PRICKLE1: variants seen among roughly 807,000 people sequenced by gnomAD.
PRICKLE1 encodes prickle-like protein 1.
Under a neutral mutation model 70.2 loss-of-function variants are expected in PRICKLE1, and 14 were observed. That is an observed-to-expected ratio of 0.20 (90% CI 0.13 to 0.31). The LOEUF (loss-of-function observed/expected upper bound fraction) is 0.31. PRICKLE1 is among the 10% of genes least tolerant of loss of function. PRICKLE1 has a pLI of 1.00. For synonymous variants in PRICKLE1, 357 were observed against 379.9 expected (o/e 0.94, Z 0.70); for missense variants, 821 against 1,026.2 (o/e 0.80, Z 2.73).
At chr12:42,524,570 C>T (rs554554040) in intron 1 of PRICKLE1, among the ~76,000 whole-genome samples, 2 of 152,208 alleles carry the variant, frequency 1.3e-5, no homozygotes, top group Non-Finnish European at 2.9e-5. Context: ...TGCCACCGCA[C>T]CCGGCTAATT....
Position 42,459,634 on chromosome 12 carries a change from G to C in PRICKLE1, c.*175C>G, listed in dbSNP as rs1246624194. On this transcript the variant is annotated 3_prime_UTR_variant, in exon 8 of 8. Coordinates refer to ENST00000345127, the MANE Select transcript of PRICKLE1 (RefSeq NM_153026.3). ...GGCACCATCCAAAGAGGGTAAATTG[G>C]AGAAATCACACCTTTCAAATGTTAA... The C allele has an allele frequency of 6.2e-6, 5 of 806,646 alleles. No homozygotes were observed. Among genetic ancestry groups the C allele is most frequent in the Non-Finnish European group, 1.0e-5 (5 of 494,640 alleles). 50.0% of individuals were successfully genotyped at this position (806,646 alleles called of 1,614,324 possible).
intron 1 of PRICKLE1, among the ~76,000 whole-genome samples, chr12:42,544,127 T>G (rs1260793235): frequency 6.6e-6 from 1 of 152,166 alleles, no homozygotes; most frequent in East Asian, 1.9e-4. Context: ...AATCCACATA[T>G]AAATGGACCT....
At position 42,474,164 on chromosome 12, in the gene PRICKLE1, C is replaced by T. The variant is rs574245538; in HGVS notation, c.-48-1600G>A. Among the ~76,000 whole-genome samples, 11 of 152,114 alleles carry T rather than the reference C, an allele frequency of 7.2e-5. No homozygotes were observed. In the South Asian group the frequency reaches 8.3e-4, roughly 12 times the overall value. ...GTGGGTGCCTGTAATCCCAGCTACTCGGGAGGCTGAGGCAGGAGAATCGCT... is the reference window on the plus strand; with the variant it reads ...GTGGGTGCCTGTAATCCCAGCTACTTGGGAGGCTGAGGCAGGAGAATCGCT... On this transcript the variant is annotated intron_variant, in intron 1 of 7. Transcript: ENST00000345127.
At chr12:42,574,256 G>C (rs182820378) in intron 1 of PRICKLE1, among the ~76,000 whole-genome samples, 12 of 152,280 alleles carry the variant, frequency 7.9e-5, no homozygotes, top group Non-Finnish European at 1.0e-4. Context: ...TATAAATATA[G>C]CTGCCTTATG....
chr12:42,464,594 C>T lies in PRICKLE1; in HGVS notation c.1440G>A (p.Leu480=), dbSNP rs367822804. The T allele has an allele frequency of 2.5e-6, 4 of 1,613,972 alleles. No individual in the cohort carries two copies. Among genetic ancestry groups the T allele is most frequent in the Non-Finnish European group, 2.5e-6 (3 of 1,180,012 alleles). The part of the protein sequence containing the change: ...DMYWAQSQDG[L]GDSAYGSHPG... ...GGTGGCTGCCATAAGCAGAATCGCCCAGTCCATCTTGTGACTGTGCCCAGT... is the reference window on the plus strand; with the variant it reads ...GGTGGCTGCCATAAGCAGAATCGCCTAGTCCATCTTGTGACTGTGCCCAGT... The change falls in exon 7 of 8, where the codon CTG becomes CTA. Residue 480 remains leucine, a synonymous_variant. Transcript: ENST00000345127. The surrounding 1 kb of genome is among the most constrained non-coding windows in gnomAD (Gnocchi z 4.2).
chr12:42,534,091 C>T (rs971047550), intron 1 of PRICKLE1, among the ~76,000 whole-genome samples: 13 of 152,016 alleles, frequency 8.6e-5, no homozygotes, highest in South Asian at 2.1e-4. Flanking sequence ...GTAGGGCTTA[C>T]GGTCAGTAAT....
At chr12:42,572,254 T>G (rs902482933) in intron 1 of PRICKLE1, among the ~76,000 whole-genome samples, 41 of 151,864 alleles carry the variant, frequency 2.7e-4, no homozygotes, top group African/African-American at 9.7e-4. Flanking sequence ...GCCAACATGG[T>G]GAAACCCCAT....
chr12:42,542,142 T>G (rs1940129069), intron 1 of PRICKLE1, among the ~76,000 whole-genome samples: 1 of 152,152 alleles, frequency 6.6e-6, no homozygotes, highest in Admixed American at 6.5e-5. Flanking sequence ...CTCATCACTC[T>G]ACGAACAGGG....
At chr12:42,572,039 T>A (rs979507970) in intron 1 of PRICKLE1, among the ~76,000 whole-genome samples, 2 of 152,224 alleles carry the variant, frequency 1.3e-5, no homozygotes, top group Non-Finnish European at 2.9e-5. Flanking sequence ...ACAATTAACC[T>A]TGAAAGATAT....
intron 1 of PRICKLE1, among the ~76,000 whole-genome samples, chr12:42,504,904 G>A (rs978363013): frequency 1.3e-5 from 2 of 152,144 alleles, no homozygotes; most frequent in Non-Finnish European, 2.9e-5. Context: ...CACTTTGGGA[G>A]GCTAAGGCGG....
At chr12:42,477,227 C>G (rs1446123230) in intron 1 of PRICKLE1, among the ~76,000 whole-genome samples, 5 of 151,466 alleles carry the variant, frequency 3.3e-5, no homozygotes, top group African/African-American at 1.2e-4. Flanking sequence ...ACAAAATTAT[C>G]CAGGTGTGGT....
intron 1 of PRICKLE1, among the ~76,000 whole-genome samples, chr12:42,548,722 T>C (rs1940254464): frequency 6.6e-6 from 1 of 152,170 alleles, no homozygotes; most frequent in African/African-American, 2.4e-5. Context: ...GAGGTCATTA[T>C]TTCAGATGGA....
intron 1 of PRICKLE1, among the ~76,000 whole-genome samples, chr12:42,562,684 T>G (rs1432799063): frequency 1.3e-5 from 2 of 152,196 alleles, no homozygotes; most frequent in South Asian, 2.1e-4. Flanking sequence ...CAAAGAAAAT[T>G]TAAACATCAA....
chr12:42,480,224 C>T (rs1792789259), intron 1 of PRICKLE1, among the ~76,000 whole-genome samples: 1 of 152,146 alleles, frequency 6.6e-6, no homozygotes, highest in Non-Finnish European at 1.5e-5. Context: ...CTCTTTTGCC[C>T]ACAGCCAACA....
intron 1 of PRICKLE1, among the ~76,000 whole-genome samples, chr12:42,581,062 T>C (rs1353928775): frequency 1.3e-5 from 2 of 152,186 alleles, no homozygotes; most frequent in Non-Finnish European, 2.9e-5. Context: ...CATCACCTAA[T>C]TTAATGGCTC....
In PRICKLE1 at chr12:42,464,716, T is replaced by C. The variant is rs1566080286; in HGVS notation, c.1318A>G (p.Ser440Gly). 6.2e-7 allele frequency: 1 copy of C among 1,614,056 alleles called. No individual in the cohort carries two copies. The highest frequency in any genetic ancestry group is 1.3e-5 in the African/African-American group (1 of 74,930). The change falls in exon 7 of 8, where the codon AGT (serine) becomes GGT (glycine). Residue 440 changes from serine to glycine, a missense_variant. Ser to Gly is a moderately conservative substitution (Grantham distance 56). Coordinates refer to ENST00000345127, the MANE Select transcript of PRICKLE1 (RefSeq NM_153026.3). This position sits in a 1 kb window ranked among gnomAD's most constrained non-coding sequence, Gnocchi z 4.2. ...PQPNEMDIRA[S>G]EHWISDNMVK... ...ATGTTATCAGATATCCAGTGCTCAC[T>C]GGCTCGAATATCCATCTCATTGGGC...
chr12:42,497,813 T>C (rs902938636), intron 1 of PRICKLE1, among the ~76,000 whole-genome samples: 1 of 152,144 alleles, frequency 6.6e-6, no homozygotes, highest in African/African-American at 2.4e-5. Flanking sequence ...CTGTGAAGCA[T>C]GATACAGCAG....
intron 1 of PRICKLE1, among the ~76,000 whole-genome samples, chr12:42,502,836 CA>C (rs138207011): frequency 0.018 from 2,778 of 152,242 alleles, 35 homozygotes; most frequent in Non-Finnish European, 0.029. Flanking sequence ...CTAAGAAGAG[CA>C]ACGAATGTAA....
chr12:42,584,995 C>T (rs1257677905), intron 1 of PRICKLE1, among the ~76,000 whole-genome samples: 1 of 151,884 alleles, frequency 6.6e-6, no homozygotes, highest in East Asian at 1.9e-4. Flanking sequence ...GAGTCCATGA[C>T]TTCAGTACCA....
Sources: allele counts gnomAD v4.1 joint callset (sites outside exome capture counted in the v4.1 genomes callset), GRCh38; gene constraint gnomAD v4.1.1; non-coding constraint Gnocchi (gnomAD v3.1); transcripts MANE v1.5; gene names NCBI Gene and HGNC (gene_info 2026-07-23, HGNC 2026-07-21).